The following MTARC1 variants were observed in gnomAD, a reference collection of about 807,000 sequenced individuals.
The protein encoded by MTARC1 is mitochondrial amidoxime-reducing component 1.
In MTARC1, 24 loss-of-function variants were observed where a neutral mutation model predicts 33.6. The ratio of observed to expected loss-of-function variants is 0.72; its 90% CI spans 0.52 to 1.01. The LOEUF (loss-of-function observed/expected upper bound fraction) is 1.01. Among genes scored for constraint, MTARC1 ranks in the 50% least tolerant of loss-of-function variants. MTARC1 has a pLI of 0.00. For missense variants in MTARC1, 417 were observed against 445.7 expected, an observed-to-expected ratio of 0.94 and a Z score of 0.58; for synonymous variants, 187 against 189.5, an observed-to-expected ratio of 0.99 and a Z score of 0.11.
At chr1:220,798,180 T>A (rs771030716) in intron 4 of MTARC1, 166 bp downstream of exon 4, 2 of 1,562,522 alleles carry the variant, frequency 1.3e-6, no homozygotes, top group Admixed American at 3.6e-5. Context: ...AAGTGCAGAC[T>A]TCTGTGTGGA....
intron 4 of MTARC1, chr1:220,798,309 T>G: frequency 7.8e-7 from 1 of 1,285,216 alleles, no homozygotes; most frequent in East Asian, 4.6e-5. Flanking sequence ...TTGCATAGAC[T>G]ACATGATCTG....
At chr1:220,809,198 T>C (rs1017893877) in intron 6 of MTARC1, among the ~76,000 whole-genome samples, 11 of 152,236 alleles carry the variant, frequency 7.2e-5, no homozygotes, top group African/African-American at 2.7e-4. Flanking sequence ...ACAGTTTCTT[T>C]ATTGGTATAA....
At chr1:220,799,253 G>C (rs1260358284) in intron 4 of MTARC1, 1 of 885,556 alleles carries the variant, frequency 1.1e-6, no homozygotes, top group Non-Finnish European at 1.4e-6. Flanking sequence ...TTCTTCTAAA[G>C]ATGGTGGAGA....
chr1:220,803,504 G>C (rs1274912174), intron 4 of MTARC1, among the ~76,000 whole-genome samples: 1 of 152,122 alleles, frequency 6.6e-6, no homozygotes, highest in Non-Finnish European at 1.5e-5. Context: ...TAAAAGCCTG[G>C]ATTAAAAGCC....
At chr1:220,806,368 T>C (rs565196776) in intron 6 of MTARC1, among the ~76,000 whole-genome samples, 1 of 152,288 alleles carries the variant, frequency 6.6e-6, no homozygotes, top group South Asian at 2.1e-4. Flanking sequence ...TGACTTGGCC[T>C]CCCCAGGTGT....
At chr1:220,808,076 C>G (rs1438405152) in intron 6 of MTARC1, among the ~76,000 whole-genome samples, 1 of 152,176 alleles carries the variant, frequency 6.6e-6, no homozygotes, top group Non-Finnish European at 1.5e-5. Flanking sequence ...TTTTGTCCAT[C>G]TTGTTCTTTC....
intron 6 of MTARC1, among the ~76,000 whole-genome samples, chr1:220,812,849 C>T (rs1052421815): frequency 7.2e-5 from 11 of 152,048 alleles, no homozygotes; most frequent in Non-Finnish European, 1.2e-4. Flanking sequence ...CTCAGCCTCC[C>T]GAGTAGCTGG....
intron 6 of MTARC1, among the ~76,000 whole-genome samples, chr1:220,810,017 T>TG (rs1450956447): frequency 2.0e-5 from 3 of 152,210 alleles, no homozygotes; most frequent in African/African-American, 7.2e-5. Context: ...GGTAACAAAC[T>TG]GTTTCCATTT....
Position 220,813,477 on chromosome 1 carries a change from A to G in MTARC1, c.*59A>G, listed in dbSNP as rs944290967. ...TTTAAAAATGTTCTCAAAAATGACA[A>G]CACTTGAAGCATGGTGTTTCAGAAC... On this transcript the variant is annotated 3_prime_UTR_variant, in exon 7 of 7. Coordinates refer to ENST00000366910, the MANE Select transcript of MTARC1 (RefSeq NM_022746.4). The G allele has an allele frequency of 3.7e-5, 59 of 1,596,918 alleles. No homozygotes were observed. The African/African-American group carries it at 7.7e-4, about 21-fold the overall frequency.
chr1:220,810,337 G>GA (rs1343285151), intron 6 of MTARC1, among the ~76,000 whole-genome samples: 2 of 152,108 alleles, frequency 1.3e-5, no homozygotes, highest in African/African-American at 2.4e-5. Context: ...TGACCTCGTT[G>GA]AGTCTTCCCA....
chr1:220,805,243 AG>A lies in MTARC1; in HGVS notation c.857del (p.Ser286ThrfsTer9). 3 of 1,613,558 alleles carry A rather than the reference AG, an allele frequency of 1.9e-6. No individual in the cohort carries two copies. In the South Asian group the frequency reaches 3.3e-5, roughly 18 times the overall value. On this transcript the variant is annotated frameshift_variant, in exon 6 of 7. Transcript: ENST00000366910. LOFTEE classifies it low-confidence loss of function (END_TRUNC). Reference protein sequence around the residue: ...TTVDPDTGVMSRKEPLETLKS... With the variant: ...TTVDPDTGVMXRKEPLETLKS... ...AGTGGACCCAGACACCGGTGTCATG[AG>A]CAGGAAGGAACCGCTGGAAACACTG...
At chr1:220,795,886 A>G (rs540359008) in intron 2 of MTARC1, among the ~76,000 whole-genome samples, 2 of 152,266 alleles carry the variant, frequency 1.3e-5, no homozygotes, top group South Asian at 4.1e-4. Flanking sequence ...ACTGTTATTT[A>G]ATGCTATACC....
Position 220,815,564 on chromosome 1 carries a change from C to T in MTARC1, c.*2146C>T, listed in dbSNP as rs929261763. 4.6e-5 allele frequency: 7 copies of T among 152,188 alleles called. No homozygotes were observed. The highest frequency in any genetic ancestry group is 1.3e-4 in the Admixed American group (2 of 15,282). 9.4% of individuals were successfully genotyped at this position (152,188 alleles called of 1,614,324 possible). On this transcript the variant is annotated 3_prime_UTR_variant, in exon 7 of 7. Coordinates refer to ENST00000366910, the MANE Select transcript of MTARC1 (RefSeq NM_022746.4). ...AGATTCCTGTTTGAAGAGAGAAGTT[C>T]CAGTGACCTCTAGAATCTCAGAGTA...
chr1:220,787,411 T>C (rs994070839), intron 1 of MTARC1, among the ~76,000 whole-genome samples, 192 bp downstream of exon 1: 7 of 152,134 alleles, frequency 4.6e-5, no homozygotes, highest in Admixed American at 4.6e-4. Flanking sequence ...ACCCCAGGGC[T>C]CTGGGACTCT....
intron 6 of MTARC1, among the ~76,000 whole-genome samples, chr1:220,813,059 C>T (rs1673184584): frequency 6.6e-6 from 1 of 152,174 alleles, no homozygotes; most frequent in Non-Finnish European, 1.5e-5. Flanking sequence ...AAAGGGGGAA[C>T]ATGAAGGTAG....
chr1:220,787,223 C>T lies in MTARC1; in HGVS notation c.275+4C>T. ...GCAGCGGCAACCTGCGGGACAGGTA[C>T]GGCCAAGCGCCGGCGCGGGGCAGCG... On this transcript the variant is annotated splice_donor_region_variant and intron_variant, in intron 1 of 6. Coordinates refer to ENST00000366910, the MANE Select transcript of MTARC1 (RefSeq NM_022746.4). 6.4e-7 allele frequency: 1 copy of T among 1,560,992 alleles called. No individual in the cohort carries two copies. Among genetic ancestry groups the T allele is most frequent in the Non-Finnish European group, 8.7e-7 (1 of 1,154,618 alleles).
At position 220,812,728 on chromosome 1, in the gene MTARC1, A is replaced by AT. The variant is rs34042064; in HGVS notation, c.888-550dup. Among the ~76,000 whole-genome samples the AT allele has an allele frequency of 1.1e-3, 159 of 147,374 alleles. 1 individual carries two copies. Among genetic ancestry groups the AT allele is most frequent in the African/African-American group, 1.4e-3 (55 of 40,114 alleles). On this transcript the variant is annotated intron_variant, in intron 6 of 6. Transcript: ENST00000366910. ...TATGTCTAGACACATTGAGTATCTA[A>AT]TTTTTTTTTTTTTTGAGACGGAGTC... is the stretch of plus-strand genomic sequence containing the variant.
chr1:220,801,103 A>G (rs956864414), intron 4 of MTARC1, among the ~76,000 whole-genome samples: 1 of 152,060 alleles, frequency 6.6e-6, no homozygotes, highest in African/African-American at 2.4e-5. Flanking sequence ...ACCTTTCTTC[A>G]AGTAAAAGAT....
intron 2 of MTARC1, among the ~76,000 whole-genome samples, chr1:220,795,812 A>T (rs1483884754): frequency 6.6e-6 from 1 of 152,232 alleles, no homozygotes; most frequent in African/African-American, 2.4e-5. Flanking sequence ...AGAGGAGATT[A>T]TCAAGTGTTG....
Sources: allele counts gnomAD v4.1 joint callset (sites outside exome capture counted in the v4.1 genomes callset), GRCh38; gene constraint gnomAD v4.1.1; transcripts MANE v1.5; gene names NCBI Gene and HGNC (gene_info 2026-07-23, HGNC 2026-07-21).